NRG3: variants seen among roughly 807,000 people sequenced by gnomAD.
NRG3 encodes the protein pro-neuregulin-3, membrane-bound isoform.
NRG3 carries 31 observed loss-of-function variants against 66.9 expected under a neutral mutation model. That is an observed-to-expected ratio of 0.46 (90% CI 0.35 to 0.63). The LOEUF (loss-of-function observed/expected upper bound fraction) is 0.63. Ranked by LOEUF, NRG3 falls within the 20% of genes least tolerant of loss-of-function variation. The pLI is 0.00. For missense variants in NRG3, 910 were observed against 878.9 expected, an observed-to-expected ratio of 1.04 and a Z score of -0.45; for synonymous variants, 393 against 359.4, an observed-to-expected ratio of 1.09 and a Z score of -1.06.
At chr10:82,040,563 C>T (rs1243245360) in intron 1 of NRG3, among the ~76,000 whole-genome samples, 1 of 151,980 alleles carries the variant, frequency 6.6e-6, no homozygotes, top group Non-Finnish European at 1.5e-5. Flanking sequence ...ACAAGACCAC[C>T]AGGCTCAAAA....
intron 1 of NRG3, among the ~76,000 whole-genome samples, chr10:82,056,688 C>T (rs934441217): frequency 6.6e-6 from 1 of 152,080 alleles, no homozygotes; most frequent in Non-Finnish European, 1.5e-5. Context: ...TTGGGGTTAG[C>T]TCTGAGTTTT....
At chr10:82,926,969 T>C (rs191113458) in intron 4 of NRG3, among the ~76,000 whole-genome samples, 1 of 152,208 alleles carries the variant, frequency 6.6e-6, no homozygotes, top group South Asian at 2.1e-4. Flanking sequence ...GTTATCCTTC[T>C]GGTCTCCAGT....
At chr10:82,036,478 G>C (rs2062796557) in intron 1 of NRG3, among the ~76,000 whole-genome samples, 1 of 152,064 alleles carries the variant, frequency 6.6e-6, no homozygotes, top group South Asian at 2.1e-4. Context: ...CTCGTTGTAA[G>C]GGGTTGCACT....
chr10:82,950,030 C>A (rs1020415466), intron 4 of NRG3, among the ~76,000 whole-genome samples: 2 of 152,046 alleles, frequency 1.3e-5, no homozygotes, highest in Non-Finnish European at 2.9e-5. Flanking sequence ...TTTCTCAGAC[C>A]AGTAGCATCA....
chr10:82,333,399 ACT>A (rs1256331719), intron 1 of NRG3, among the ~76,000 whole-genome samples: 1 of 152,182 alleles, frequency 6.6e-6, no homozygotes, highest in Non-Finnish European at 1.5e-5. Flanking sequence ...AGCTGAATTG[ACT>A]CTGAGTTGCA....
chr10:82,387,036 G>A (rs192572609), intron 2 of NRG3, among the ~76,000 whole-genome samples: 163 of 152,344 alleles, frequency 1.1e-3, no homozygotes, highest in Middle Eastern at 0.01. Context: ...CTGACTTCAA[G>A]TGATCTGCCC....
At chr10:82,900,934 A>T (rs1844159509) in intron 4 of NRG3, among the ~76,000 whole-genome samples, 1 of 152,206 alleles carries the variant, frequency 6.6e-6, no homozygotes, top group Non-Finnish European at 1.5e-5. Flanking sequence ...TAAGCAGTAT[A>T]ACACAAAATG....
intron 1 of NRG3, among the ~76,000 whole-genome samples, chr10:82,291,140 G>A (rs559645678): frequency 6.6e-6 from 1 of 150,800 alleles, no homozygotes; most frequent in Non-Finnish European, 1.5e-5. Context: ...CAAGGTTGTA[G>A]AGTACAAGAT....
chr10:82,351,460 A>C (rs542499621), intron 1 of NRG3, among the ~76,000 whole-genome samples: 31 of 152,310 alleles, frequency 2.0e-4, no homozygotes, highest in Non-Finnish European at 2.9e-4. Flanking sequence ...CTTTGGTGGC[A>C]TCTCTTTCAA....
chr10:82,209,216 C>T (rs1350268620), intron 1 of NRG3, among the ~76,000 whole-genome samples: 1 of 152,132 alleles, frequency 6.6e-6, no homozygotes, highest in South Asian at 2.1e-4. Context: ...TCAGCAGCAG[C>T]AGTAAAATGC....
At position 82,890,650 on chromosome 10, in the gene NRG3, A is replaced by G. The variant is rs146510826; in HGVS notation, c.1054+25213A>G. Among the ~76,000 whole-genome samples, 79 of 152,330 alleles carry G rather than the reference A, an allele frequency of 5.2e-4. 1 individual carries two copies. Among genetic ancestry groups the G allele is most frequent in the African/African-American group, 1.9e-3 (78 of 41,578 alleles). The stretch of plus-strand genomic sequence containing the variant: ...CATTTCTATTTAGCATCGTTGGACC[A>G]TAAGATATATGTCTCTTCAAATTTA... On this transcript the variant is annotated intron_variant, in intron 4 of 8. Transcript: ENST00000372141.
intron 4 of NRG3, among the ~76,000 whole-genome samples, chr10:82,902,352 C>T (rs1052034668): frequency 6.6e-6 from 1 of 152,070 alleles, no homozygotes; most frequent in Non-Finnish European, 1.5e-5. Flanking sequence ...ATAGTTACAA[C>T]AATTTGCTTA....
chr10:81,982,403 C>G (rs1335352854), intron 1 of NRG3, among the ~76,000 whole-genome samples: 4 of 152,204 alleles, frequency 2.6e-5, no homozygotes, highest in Non-Finnish European at 4.4e-5. Context: ...ATCTGTGCCT[C>G]AAACCTCTCA....
intron 2 of NRG3, among the ~76,000 whole-genome samples, chr10:82,361,334 G>A (rs1333326144): frequency 6.6e-6 from 1 of 152,148 alleles, no homozygotes; most frequent in Non-Finnish European, 1.5e-5. Context: ...ACTAGCCTAA[G>A]ACAAAATTGG....
At chr10:82,638,239 A>G (rs1417207022) in intron 2 of NRG3, among the ~76,000 whole-genome samples, 1 of 152,208 alleles carries the variant, frequency 6.6e-6, no homozygotes, top group Non-Finnish European at 1.5e-5. Context: ...GGAGGAACAT[A>G]CCGATTTCCA....
At chr10:82,542,601 T>C (rs1477811902) in intron 2 of NRG3, among the ~76,000 whole-genome samples, 2 of 152,240 alleles carry the variant, frequency 1.3e-5, no homozygotes, top group Admixed American at 1.3e-4. Context: ...GATATGACTT[T>C]AGTCAAGTGC....
intron 1 of NRG3, among the ~76,000 whole-genome samples, chr10:82,206,575 A>G (rs568867689): frequency 6.6e-6 from 1 of 152,100 alleles, no homozygotes; most frequent in African/African-American, 2.4e-5. Context: ...TGCCAGTGTT[A>G]TGTGTGTGAA....
chr10:82,404,458 G>T (rs940154957), intron 2 of NRG3, among the ~76,000 whole-genome samples: 1 of 152,094 alleles, frequency 6.6e-6, no homozygotes, highest in African/African-American at 2.4e-5. Flanking sequence ...GCACAGCCTT[G>T]CCAAAGTTAC....
rs75615621 is a variant in NRG3 at position 82,111,692 on chromosome 10, A to G, written c.823+235529A>G. On this transcript the variant is annotated intron_variant, in intron 1 of 8. Coordinates refer to ENST00000372141, the MANE Select transcript of NRG3 (RefSeq NM_001010848.4). ...ATTTATTCATGATATTATTAAATAT[A>G]TAATGAGGGTCTCTATTAAATTCTT... 0.013 allele frequency among the ~76,000 whole-genome samples: 1,947 copies of G among 152,290 alleles called. 64 individuals are homozygous for G. In the East Asian group the frequency reaches 0.14, roughly 11 times the overall value.
Sources: gnomAD v4.1 joint callset for allele counts (sites outside exome capture counted in the v4.1 genomes callset) on GRCh38, gnomAD v4.1.1 for gene constraint, MANE v1.5 for transcripts, NCBI Gene and HGNC (gene_info 2026-07-23, HGNC 2026-07-21) for gene names.